The following ZNF254 variants were observed in gnomAD, a reference collection of about 807,000 sequenced individuals.
ZNF254 encodes the protein zinc finger protein 254, also known as CTD-2017D11.1.
ZNF254 carries 10 observed loss-of-function variants against 12.4 expected under a neutral mutation model. That is an observed-to-expected ratio of 0.80 (90% CI 0.50 to 1.36). The LOEUF (loss-of-function observed/expected upper bound fraction) is 1.36. Among genes scored for constraint, ZNF254 ranks in the 40% most tolerant of loss-of-function variants. ZNF254 has a pLI of 0.00. For synonymous variants in ZNF254, 305 were observed against 253.4 expected (o/e 1.20, Z -1.93); for missense variants, 996 against 763.9 (o/e 1.30, Z -3.58).
upstream of ZNF254, among the ~76,000 whole-genome samples, chr19:24,086,572 G>A (rs1972048555): frequency 6.6e-6 from 1 of 152,074 alleles, no homozygotes; most frequent in South Asian, 2.1e-4. Flanking sequence ...CCACCTCCCA[G>A]GTTCAAGCAG....
intron 1 of ZNF254, among the ~76,000 whole-genome samples, chr19:24,097,717 G>T (rs1972754850): frequency 6.6e-6 from 1 of 151,790 alleles, no homozygotes; most frequent in Non-Finnish European, 1.5e-5. Context: ...GGAGGCGGAG[G>T]TTGTGGTAAG....
At chr19:24,099,878 G>C (rs577982531) in intron 1 of ZNF254, among the ~76,000 whole-genome samples, 2 of 152,306 alleles carry the variant, frequency 1.3e-5, no homozygotes, top group South Asian at 4.1e-4. Context: ...TGGGGCTGAA[G>C]AGAATTTTTA....
chr19:24,101,154 C>CT (rs943269602), intron 1 of ZNF254, among the ~76,000 whole-genome samples: 1 of 152,084 alleles, frequency 6.6e-6, no homozygotes, highest in Non-Finnish European at 1.5e-5. Context: ...CCGTATCAGC[C>CT]TTTTTTTAGG....
intron 2 of ZNF254, chr19:24,078,608 T>C (rs964558244): frequency 6.6e-6 from 1 of 152,164 alleles, no homozygotes; most frequent in Non-Finnish European, 1.5e-5. Context: ...CCTTTTTTAT[T>C]ATTTTAAGTT....
chr19:24,102,090 G>A (rs573994234), intron 1 of ZNF254, among the ~76,000 whole-genome samples: 1 of 152,076 alleles, frequency 6.6e-6, no homozygotes, highest in Non-Finnish European at 1.5e-5. Context: ...ACTAGCAACT[G>A]GATAAATGAT....
intron 2 of ZNF254, among the ~76,000 whole-genome samples, chr19:24,074,583 C>T (rs568625735): frequency 1.2e-4 from 19 of 152,268 alleles, no homozygotes; most frequent in African/African-American, 3.4e-4. Flanking sequence ...ACACAGGCTA[C>T]GTCATTCTTC....
chr19:24,103,815 C>T (rs147595355), intron 1 of ZNF254: 2,574 of 152,374 alleles, frequency 0.017, 86 homozygotes, highest in African/African-American at 0.058. Flanking sequence ...ACCTCTGCCT[C>T]CCGGGTTCAA....
At chr19:24,119,844 T>C (rs979773465) in intron 3 of ZNF254, among the ~76,000 whole-genome samples, 4 of 152,224 alleles carry the variant, frequency 2.6e-5, no homozygotes, top group Middle Eastern at 6.8e-3. Context: ...TTTATTGCTA[T>C]TGTTTTATGT....
chr19:24,098,178 A>G (rs1972783587), intron 1 of ZNF254, among the ~76,000 whole-genome samples: 1 of 152,338 alleles, frequency 6.6e-6, no homozygotes, highest in Middle Eastern at 3.4e-3. Flanking sequence ...TAATATCCAA[A>G]GAAAATTTAC....
chr19:24,049,812 G>A (rs552197730), intron 2 of ZNF254, among the ~76,000 whole-genome samples: 142 of 152,166 alleles, frequency 9.3e-4, no homozygotes, highest in African/African-American at 3.3e-3. Flanking sequence ...AGAGGACATT[G>A]TGACATATCC....
chr19:24,047,178 A>G (rs1599584758), intron 2 of ZNF254, among the ~76,000 whole-genome samples: 2 of 148,222 alleles, frequency 1.3e-5, no homozygotes, highest in Non-Finnish European at 1.5e-5. Context: ...CTCCTTTCCT[A>G]TTTTCCTATT....
At chr19:24,101,008 G>A (rs920284537) in intron 1 of ZNF254, among the ~76,000 whole-genome samples, 7 of 151,938 alleles carry the variant, frequency 4.6e-5, no homozygotes, top group African/African-American at 1.7e-4. Flanking sequence ...TGTATTTTTA[G>A]TAGAGATAGG....
intron 3 of ZNF254, among the ~76,000 whole-genome samples, chr19:24,119,294 C>A (rs980065781): frequency 6.6e-6 from 1 of 151,838 alleles, no homozygotes; most frequent in South Asian, 2.1e-4. Context: ...TAGGTTCAAG[C>A]GATTCTCCTG....
chr19:24,105,879 C>A, intron 1 of ZNF254, 61 bp from the exon 2 acceptor site: 1 of 1,548,940 alleles, frequency 6.5e-7, no homozygotes, highest in South Asian at 1.1e-5. Context: ...TACCTTGAGT[C>A]AAATGAAAAA....
intron 2 of ZNF254, among the ~76,000 whole-genome samples, chr19:24,068,950 C>T (rs1971378695): frequency 6.6e-6 from 1 of 152,070 alleles, no homozygotes; most frequent in Non-Finnish European, 1.5e-5. Flanking sequence ...TCTATAAAGC[C>T]CTCGGGTGGC....
rs753795510 is a variant in ZNF254 at position 24,105,898 on chromosome 19, A to G, written c.31-42A>G. The G allele has an allele frequency of 6.4e-6, 10 of 1,563,780 alleles. No homozygotes were observed. The South Asian group carries it at 6.6e-5, about 10-fold the overall frequency. On this transcript the variant is annotated intron_variant, in intron 1 of 3. Transcript: ENST00000357002. Reference sequence around the variant, plus strand: ...TTGAGTCAAATGAAAAATTCTGCCGATAGCCACTTTGTAAATATGTGTGTT... The same window carrying G: ...TTGAGTCAAATGAAAAATTCTGCCGGTAGCCACTTTGTAAATATGTGTGTT...
intron 3 of ZNF254, among the ~76,000 whole-genome samples, chr19:24,111,476 G>A (rs1973678208): frequency 6.6e-6 from 1 of 152,198 alleles, no homozygotes; most frequent in African/African-American, 2.4e-5. Context: ...CCAGTAATGG[G>A]ATGGCTGGGT....
rs554178140 is a variant in ZNF254, at chr19:24,127,839, G to A, written c.1839G>A (p.Trp613Ter). ...AAGAATGTGGCAAAGCATTTTTCTG[G>A]TCCTCAACCCTAACTAAACATAAGA... Reference protein sequence around the residue: ...KCEECGKAFFWSSTLTKHKRI... With the variant: ...KCEECGKAFF The change falls in exon 4 of 4, where the codon TGG becomes TGA. Residue 613 changes from tryptophan to a stop codon, truncating the protein, a stop_gained. Transcript: ENST00000357002. LOFTEE classifies it low-confidence loss of function (END_TRUNC). 4 of 1,613,024 alleles carry A rather than the reference G, an allele frequency of 2.5e-6. No individual in the cohort carries two copies. The South Asian group carries it at 3.3e-5, about 13-fold the overall frequency.
chr19:24,122,393 T>C (rs73524150), intron 3 of ZNF254, among the ~76,000 whole-genome samples: 26,294 of 151,900 alleles, frequency 0.17, 2,734 homozygotes, highest in Middle Eastern at 0.26. Flanking sequence ...CCTGGCTAAT[T>C]TTTGTATTTT....
Sources: allele counts gnomAD v4.1 joint callset (sites outside exome capture counted in the v4.1 genomes callset), GRCh38; gene constraint gnomAD v4.1.1; transcripts MANE v1.5; gene names NCBI Gene and HGNC (gene_info 2026-07-23, HGNC 2026-07-21).